Variants in F11R observed in about 807,000 individuals in gnomAD.
F11R encodes junctional adhesion molecule A.
A neutral mutation model predicts 39.3 loss-of-function variants in F11R; 27 were observed. The ratio of observed to expected loss-of-function variants is 0.69; its 90% CI spans 0.51 to 0.95. The LOEUF is 0.95. Ranked by LOEUF, F11R falls within the 40% of genes least tolerant of loss-of-function variation. The probability of loss-of-function intolerance (pLI) is 0.00; values close to 1 mark genes in which losing one functional copy is unlikely to be tolerated. For missense variants in F11R, 335 were observed against 372.7 expected (o/e 0.90, Z 0.83); for synonymous variants, 131 against 144.9 (o/e 0.90, Z 0.69).
chr1:161,002,333 A>G (rs2101970996), intron 1 of F11R, among the ~76,000 whole-genome samples: 1 of 151,478 alleles, frequency 6.6e-6, no homozygotes, highest in Non-Finnish European at 1.5e-5. Flanking sequence ...GGTTCAGATC[A>G]CCTCATTAGA....
chr1:160,999,191 A>C, intron 8 of F11R, 100 bp from the exon 9 acceptor site: 1 of 1,548,966 alleles, frequency 6.5e-7, no homozygotes, highest in Non-Finnish European at 8.9e-7. Context: ...CTACAGAAGC[A>C]CAGAGTGCGC....
At position 160,997,679 on chromosome 1, in the gene F11R, C is replaced by A. The variant is rs1648208355; in HGVS notation, c.*1192G>T. On this transcript the variant is annotated 3_prime_UTR_variant, in exon 10 of 10. Coordinates refer to ENST00000368026, the MANE Select transcript of F11R (RefSeq NM_016946.6). ...CCTCAAAGACCTTTTCCCCTACTTA[C>A]TTCCCACAAAAAAGAGCCTTGACAA... The A allele has an allele frequency of 6.5e-6, 1 of 152,786 alleles. No individual in the cohort carries two copies. Among genetic ancestry groups the A allele is most frequent in the African/African-American group, 2.4e-5 (1 of 41,446 alleles). 9.5% of individuals were successfully genotyped at this position (152,786 alleles called of 1,614,324 possible). A position where few individuals can be genotyped will look rare whatever the true frequency, so the allele number is the denominator to read the frequency against.
At chr1:161,003,707 G>A (rs1431871125) in intron 1 of F11R, among the ~76,000 whole-genome samples, 2 of 151,800 alleles carry the variant, frequency 1.3e-5, no homozygotes, top group African/African-American at 2.4e-5. Context: ...CTCCTGAGTA[G>A]CTGGGATTAC....
intron 1 of F11R, among the ~76,000 whole-genome samples, chr1:161,019,460 T>C (rs1005451229): frequency 5.3e-5 from 8 of 151,924 alleles, no homozygotes; most frequent in Non-Finnish European, 1.0e-4. Flanking sequence ...CCGGGCGTGA[T>C]GGTGCATGCC....
chr1:160,999,649 G>A lies in F11R; in HGVS notation c.793C>T (p.His265Tyr), dbSNP rs751708869. 1.9e-6 allele frequency: 3 copies of A among 1,613,900 alleles called. No homozygotes were observed. Among genetic ancestry groups the A allele is most frequent in the Non-Finnish European group, 2.5e-6 (3 of 1,179,798 alleles). The change falls in exon 7 of 10, where the codon CAC becomes TAC. Residue 265 changes from histidine to tyrosine, a missense_variant. Transcript: ENST00000368026. ...GGGGGCAGATACTTACTGTCAAAGT[G>A]GCCTCGGCTATAGGCAAACCAGATG... ...FGIWFAYSRG[H>Y]FDRTKKGTSS...
intron 1 of F11R, among the ~76,000 whole-genome samples, chr1:161,003,721 C>T (rs1018302090): frequency 6.6e-6 from 1 of 151,522 alleles, no homozygotes; most frequent in Non-Finnish European, 1.5e-5. Context: ...GGATTACAGG[C>T]GCCCGCCACT....
At chr1:161,007,599 G>A (rs116159922) in intron 1 of F11R, among the ~76,000 whole-genome samples, 1,681 of 152,264 alleles carry the variant, frequency 0.011, 33 homozygotes, top group South Asian at 0.078. Context: ...TACATCAAAG[G>A]GCTGTTCTGA....
chr1:161,007,751 T>C (rs1012195608), intron 1 of F11R, among the ~76,000 whole-genome samples: 5 of 152,210 alleles, frequency 3.3e-5, no homozygotes, highest in African/African-American at 1.2e-4. Flanking sequence ...GACTTCAATG[T>C]TTTCTTCAAC....
chr1:161,006,161 TCTGTTCCAAA>T (rs1228603341), intron 1 of F11R, among the ~76,000 whole-genome samples: 1 of 151,576 alleles, frequency 6.6e-6, no homozygotes, highest in Non-Finnish European at 1.5e-5. Context: ...GGGGGGCACT[TCTGTTCCAAA>T]GTGTTCCAAA....
At chr1:161,001,413 G>A (rs1648484314) in intron 1 of F11R, 60 bp from the exon 2 acceptor site, 8 of 1,467,768 alleles carry the variant, frequency 5.5e-6, no homozygotes, top group Admixed American at 3.4e-5. Context: ...CCAGGAAGAA[G>A]GAGTCACAGA....
chr1:161,013,611 A>T (rs1649288084), intron 1 of F11R, among the ~76,000 whole-genome samples: 1 of 152,210 alleles, frequency 6.6e-6, no homozygotes, highest in South Asian at 2.1e-4. Context: ...TTGGGGTAGA[A>T]CAGTTTAGAA....
At chr1:161,004,569 G>T (rs1248995842) in intron 1 of F11R, among the ~76,000 whole-genome samples, 1 of 151,776 alleles carries the variant, frequency 6.6e-6, no homozygotes, top group Non-Finnish European at 1.5e-5. Flanking sequence ...AATTAACCAG[G>T]CATGGTGACA....
intron 1 of F11R, among the ~76,000 whole-genome samples, chr1:161,017,155 G>A (rs1325407024): frequency 6.6e-6 from 1 of 151,866 alleles, no homozygotes; most frequent in Non-Finnish European, 1.5e-5. Flanking sequence ...CCTCTGCCTA[G>A]GAAAGCCAGG....
At chr1:161,008,882 C>G (rs1180272063) in intron 1 of F11R, among the ~76,000 whole-genome samples, 1 of 152,144 alleles carries the variant, frequency 6.6e-6, no homozygotes, top group Non-Finnish European at 1.5e-5. Flanking sequence ...AATTTTTCTG[C>G]AAGCTAAGAA....
At chr1:161,011,664 A>G (rs1387567495) in intron 1 of F11R, among the ~76,000 whole-genome samples, 1 of 151,380 alleles carries the variant, frequency 6.6e-6, no homozygotes, top group Non-Finnish European at 1.5e-5. Flanking sequence ...CAGGAAGTGG[A>G]GGTTGCAGTG....
chr1:161,000,362 A>G lies in F11R; in HGVS notation c.389-14T>C. The G allele has an allele frequency of 6.2e-7, 1 of 1,612,714 alleles. No homozygotes were observed. The highest frequency in any genetic ancestry group is 8.5e-7 in the Non-Finnish European group (1 of 1,179,652). On this transcript the variant is annotated splice_polypyrimidine_tract_variant and intron_variant, in intron 4 of 9. Coordinates refer to ENST00000368026, the MANE Select transcript of F11R (RefSeq NM_016946.6). ...TGGATGGAGGCACTGTGGAAGAGAA[A>G]GACAGAAGGTGCTGAGTACAGGGTG...
intron 1 of F11R, 33 bp downstream of exon 1, chr1:161,020,977 C>G: frequency 6.2e-7 from 1 of 1,610,364 alleles, no homozygotes; most frequent in Non-Finnish European, 8.5e-7. Flanking sequence ...CTGACCCGAC[C>G]AACCGATTCC....
chr1:161,000,884 A>T, intron 3 of F11R, 107 bp from the exon 4 acceptor site: 2 of 1,497,980 alleles, frequency 1.3e-6, no homozygotes, highest in Non-Finnish European at 1.8e-6. Flanking sequence ...TCCCCCAGAA[A>T]GGGGGGTAGG....
At chr1:161,019,083 CTG>C (rs1324335526) in intron 1 of F11R, among the ~76,000 whole-genome samples, 1 of 152,152 alleles carries the variant, frequency 6.6e-6, no homozygotes, top group Non-Finnish European at 1.5e-5. Flanking sequence ...CAGACAAACA[CTG>C]TTACAAATAC....
Sources: allele counts gnomAD v4.1 joint callset (sites outside exome capture counted in the v4.1 genomes callset), GRCh38; gene constraint gnomAD v4.1.1; transcripts MANE v1.5; gene names NCBI Gene and HGNC (gene_info 2026-07-23, HGNC 2026-07-21).